LPP: variants seen among roughly 807,000 people sequenced by gnomAD.
LPP encodes the protein lipoma-preferred partner.
LPP carries 38 observed loss-of-function variants against 60.4 expected under a neutral mutation model. The observed-to-expected ratio is 0.63, with a 90% CI of 0.49 to 0.83. LPP has a LOEUF of 0.83. Ranked by LOEUF, LPP falls within the 40% of genes least tolerant of loss-of-function variation. LPP has a pLI of 0.00. For synonymous variants in LPP, 328 were observed against 290.8 expected (o/e 1.13, Z -1.30); for missense variants, 902 against 783.6 (o/e 1.15, Z -1.80).
At chr3:188,389,865 T>G (rs1779292367) in intron 3 of LPP, among the ~76,000 whole-genome samples, 1 of 151,930 alleles carries the variant, frequency 6.6e-6, no homozygotes, top group Non-Finnish European at 1.5e-5. Context: ...TGCCTGAATC[T>G]TGTCTGAACC....
At chr3:188,273,894 C>T (rs111953368) in intron 2 of LPP, among the ~76,000 whole-genome samples, 212 of 152,076 alleles carry the variant, frequency 1.4e-3, no homozygotes, top group African/African-American at 4.9e-3. Context: ...CATGTCTGGC[C>T]GTCTATTTTA....
rs533536007 is a variant in LPP, at chr3:188,189,285, A to G, written c.-190+35033A>G. On this transcript the variant is annotated intron_variant, in intron 1 of 11. Coordinates refer to ENST00000617246, the MANE Select transcript of LPP (RefSeq NM_001375462.1). Reference sequence around the variant, plus strand: ...TATTTTTTAATAGTGACAGGGTTTCACCATGTTTCCCAGGCTGGTCTCAAA... The same window carrying G: ...TATTTTTTAATAGTGACAGGGTTTCGCCATGTTTCCCAGGCTGGTCTCAAA... Among the ~76,000 whole-genome samples, 13 of 152,178 alleles carry G rather than the reference A, an allele frequency of 8.5e-5. No individual in the cohort carries two copies. The East Asian group carries it at 2.3e-3, about 27-fold the overall frequency.
At chr3:188,793,515 C>A (rs745707989) in intron 9 of LPP, among the ~76,000 whole-genome samples, 1 of 151,986 alleles carries the variant, frequency 6.6e-6, no homozygotes, top group Non-Finnish European at 1.5e-5. Context: ...AAATTGAGAC[C>A]CACATCAGCG....
chr3:188,756,178 G>A (rs1377457467), intron 8 of LPP, among the ~76,000 whole-genome samples: 3 of 152,146 alleles, frequency 2.0e-5, no homozygotes, highest in Non-Finnish European at 4.4e-5. Context: ...GAGAGCAGAG[G>A]TGAAGGATAA....
At position 188,708,468 on chromosome 3, in the gene LPP, A is replaced by G. The variant is rs9877192; in HGVS notation, c.1240+75A>G. 373,221 of 1,594,970 alleles carry G rather than the reference A, an allele frequency of 0.23. 48,028 individuals are homozygous for G. Among genetic ancestry groups the G allele is most frequent in the Middle Eastern group, 0.36 (2,173 of 6,008 alleles). On this transcript the variant is annotated intron_variant, in intron 8 of 11. Coordinates refer to ENST00000617246, the MANE Select transcript of LPP (RefSeq NM_001375462.1). ...TCCTTCCTTAGTAATTGGAACTATT[A>G]TCAGCTCCACTGGTAAAGTATTTGA...
intron 1 of LPP, among the ~76,000 whole-genome samples, chr3:188,155,058 T>G (rs1346590763): frequency 2.0e-5 from 3 of 151,702 alleles, no homozygotes; most frequent in African/African-American, 7.3e-5. Flanking sequence ...GTGTGGGAAA[T>G]GGAGATGAAA....
chr3:188,294,055 T>C (rs1577909776), intron 2 of LPP, among the ~76,000 whole-genome samples: 1 of 28,912 alleles, frequency 3.5e-5, no homozygotes, highest in Non-Finnish European at 5.9e-5. Flanking sequence ...CCAAACTCTG[T>C]CAAAAAAAAA....
At chr3:188,250,764 T>TTCTTTCTTTCTGTCTG (rs1728970189) in intron 2 of LPP, among the ~76,000 whole-genome samples, 1 of 115,688 alleles carries the variant, frequency 8.6e-6, no homozygotes, top group South Asian at 2.9e-4. Context: ...CTTTCTTTCT[T>TTCTTTCTTTCTGTCTG]TCTTTCTTTC....
At chr3:188,798,387 C>G (rs915891915) in intron 9 of LPP, among the ~76,000 whole-genome samples, 3 of 152,308 alleles carry the variant, frequency 2.0e-5, no homozygotes, top group African/African-American at 7.2e-5. Context: ...GACAATGCCA[C>G]TCATAAATCT....
At chr3:188,765,136 G>A (rs1733602472) in intron 9 of LPP, among the ~76,000 whole-genome samples, 1 of 152,072 alleles carries the variant, frequency 6.6e-6, no homozygotes, top group South Asian at 2.1e-4. Flanking sequence ...AAGCACTTAT[G>A]GCCAGTGCTT....
intron 2 of LPP, among the ~76,000 whole-genome samples, chr3:188,267,900 C>T (rs1190689872): frequency 6.6e-6 from 1 of 152,008 alleles, no homozygotes; most frequent in African/African-American, 2.4e-5. Context: ...GCCAGCACTT[C>T]GTTCTTACAC....
At chr3:188,726,707 T>C (rs953856456) in intron 8 of LPP, among the ~76,000 whole-genome samples, 2 of 152,208 alleles carry the variant, frequency 1.3e-5, no homozygotes, top group Non-Finnish European at 2.9e-5. Context: ...TAATTTTGTT[T>C]CTTTTCCATT....
intron 8 of LPP, among the ~76,000 whole-genome samples, chr3:188,739,207 T>C (rs143299054): frequency 1.1e-4 from 16 of 152,016 alleles, no homozygotes; most frequent in African/African-American, 3.9e-4. Context: ...TATGAAAAAA[T>C]GGACCACAGT....
intron 6 of LPP, among the ~76,000 whole-genome samples, chr3:188,538,107 T>C (rs1276388750): frequency 6.6e-6 from 1 of 152,138 alleles, no homozygotes; most frequent in Non-Finnish European, 1.5e-5. Flanking sequence ...ACTATACAAC[T>C]TGTAGAAGAA....
chr3:188,660,086 A>G (rs572120941), intron 7 of LPP, among the ~76,000 whole-genome samples: 12 of 152,040 alleles, frequency 7.9e-5, no homozygotes, highest in African/African-American at 2.9e-4. Flanking sequence ...TTAAATTCTC[A>G]TTTGCTTTTT....
At chr3:188,233,085 C>T (rs749878027) in intron 2 of LPP, among the ~76,000 whole-genome samples, 26 of 152,100 alleles carry the variant, frequency 1.7e-4, no homozygotes, top group Non-Finnish European at 2.9e-5. Context: ...AGACCTGCAG[C>T]GTTTGTGTAT....
At position 188,209,197 on chromosome 3, in the gene LPP, G is replaced by A. The variant is rs561520282; in HGVS notation, c.-189-16208G>A. ...GTTTCTTTTGCTCCTTATTGCTGGT[G>A]TGACCTTGGGAATATACTTAACCTC... On this transcript the variant is annotated intron_variant, in intron 1 of 11. Transcript: ENST00000617246. Among the ~76,000 whole-genome samples, 8 of 152,294 alleles carry A rather than the reference G, an allele frequency of 5.3e-5. No individual in the cohort carries two copies. In the South Asian group the frequency reaches 1.0e-3, roughly 20 times the overall value.
chr3:188,843,710 C>T (rs1441575764), intron 9 of LPP, among the ~76,000 whole-genome samples: 1 of 146,308 alleles, frequency 6.8e-6, no homozygotes, highest in Non-Finnish European at 1.5e-5. Context: ...TGGCGTGAAC[C>T]CGGGAGGCGG....
intron 6 of LPP, among the ~76,000 whole-genome samples, chr3:188,599,256 C>T (rs1399747): frequency 0.97 from 147,970 of 152,180 alleles, 72,065 homozygotes; most frequent in Middle Eastern, 1. Context: ...TTGAAAGTCA[C>T]TGGGGTGGGA....
Sources: allele counts gnomAD v4.1 joint callset (sites outside exome capture counted in the v4.1 genomes callset), GRCh38; gene constraint gnomAD v4.1.1; transcripts MANE v1.5; gene names NCBI Gene and HGNC (gene_info 2026-07-23, HGNC 2026-07-21).